VSIG8: variants seen among roughly 807,000 people sequenced by gnomAD.
VSIG8 encodes V-set and immunoglobulin domain containing 8.
In VSIG8, 32 loss-of-function variants were observed where a neutral mutation model predicts 42.6. The ratio of observed to expected loss-of-function variants is 0.75; its 90% confidence interval spans 0.57 to 1.01. The LOEUF (loss-of-function observed/expected upper bound fraction) is 1.01, where lower values mean the gene tolerates loss of function less well. Among genes scored for constraint, VSIG8 ranks in the 50% least tolerant of loss-of-function variants. The pLI is 0.00. For synonymous variants in VSIG8, 290 were observed against 243.8 expected (o/e 1.19, Z -1.77); for missense variants, 529 against 558.0 (o/e 0.95, Z 0.52).
intron 2 of VSIG8, 93 bp from the exon 3 acceptor site, chr1:159,858,384 T>G: frequency 7.8e-7 from 1 of 1,286,904 alleles, no homozygotes; most frequent in Non-Finnish European, 1.1e-6. Context: ...TGAACTTCTC[T>G]GAGACTCTTT....
chr1:159,856,330 C>T (rs535508391), intron 5 of VSIG8, among the ~76,000 whole-genome samples, 194 bp downstream of exon 5: 33 of 152,222 alleles, frequency 2.2e-4, no homozygotes, highest in Admixed American at 3.9e-4. Context: ...CTGTGCTGGG[C>T]GAGCTTGACC....
At chr1:159,855,515 T>A (rs748151152) in intron 6 of VSIG8, 2 of 985,156 alleles carry the variant, frequency 2.0e-6, no homozygotes, top group Non-Finnish European at 2.4e-6. Context: ...TAATATAAGT[T>A]ATTAGCACTA....
chr1:159,855,188 C>A (rs778365913), intron 6 of VSIG8, 162 bp from the exon 7 acceptor site: 3 of 1,551,708 alleles, frequency 1.9e-6, no homozygotes, highest in South Asian at 1.2e-5. Context: ...TCCTTTGTGA[C>A]CCTTCCTGGG....
intron 1 of VSIG8, 146 bp from the exon 2 acceptor site, chr1:159,859,058 G>C: frequency 1.3e-6 from 1 of 760,714 alleles, no homozygotes; most frequent in Admixed American, 2.9e-5. Context: ...GCTCGTAGTG[G>C]GTGTGTATGT....
intron 1 of VSIG8, among the ~76,000 whole-genome samples, chr1:159,860,378 C>T (rs972361216): frequency 6.6e-6 from 1 of 152,216 alleles, no homozygotes; most frequent in African/African-American, 2.4e-5. Context: ...AAAAGACACA[C>T]CCACCGTGTG....
At chr1:159,856,973 T>G (rs1648854104) in intron 4 of VSIG8, among the ~76,000 whole-genome samples, 1 of 152,222 alleles carries the variant, frequency 6.6e-6, no homozygotes, top group African/African-American at 2.4e-5. Context: ...GAAGAGGAAC[T>G]CTAAGGTCCC....
chr1:159,856,789 A>T, intron 4 of VSIG8, 146 bp from the exon 5 acceptor site: 1 of 1,019,134 alleles, frequency 9.8e-7, no homozygotes, highest in Admixed American at 2.9e-5. Flanking sequence ...ACACACACAC[A>T]CTCCACTCTC....
At chr1:159,856,503 C>A in intron 5 of VSIG8, 21 bp downstream of exon 5, 1 of 1,613,070 alleles carries the variant, frequency 6.2e-7, no homozygotes, top group South Asian at 1.1e-5. Flanking sequence ...ACCACCCAGC[C>A]CTCAAGACTG....
In VSIG8 at chr1:159,858,735, A is replaced by T; in HGVS notation, c.227T>A (p.Val76Glu). Residue 76 changes from valine (V) to glutamate (E), a missense_variant and splice_region_variant, in exon 2 of 7, where the codon GTG (valine) becomes GAG (glutamate). By Grantham distance (121) the Val-to-Glu change is moderately radical. Transcript: ENST00000368100. ...NSDPAHHREN[V>E]FLSYQDKRIN... ...GAGACCCCTGTGCCCAGCACTCACCACGTTCTCTCGGTGGTGGGCGGGGTC... is the reference window on the plus strand; with the variant it reads ...GAGACCCCTGTGCCCAGCACTCACCTCGTTCTCTCGGTGGTGGGCGGGGTC... The T allele has an allele frequency of 1.2e-6, 2 of 1,604,706 alleles. No homozygotes were observed. Among genetic ancestry groups the T allele is most frequent in the Non-Finnish European group, 1.7e-6 (2 of 1,176,532 alleles).
chr1:159,860,842 A>T (rs1301587324), intron 1 of VSIG8: 2 of 152,306 alleles, frequency 1.3e-5, no homozygotes, highest in Non-Finnish European at 2.9e-5. Context: ...GCCAGGCAGG[A>T]TGGTAAGCAT....
intron 1 of VSIG8, among the ~76,000 whole-genome samples, chr1:159,859,973 CG>C (rs1315514453): frequency 1.3e-5 from 2 of 152,128 alleles, no homozygotes; most frequent in South Asian, 4.2e-4. Context: ...GGGATAAGAC[CG>C]GGGGGTGTAG....
rs1272075195 is a variant in VSIG8 at position 159,854,679 on chromosome 1, C to T, written c.*74G>A. On this transcript the variant is annotated 3_prime_UTR_variant, in exon 7 of 7. Coordinates refer to ENST00000368100, the MANE Select transcript of VSIG8 (RefSeq NM_001013661.1). ...CGAGCGAGGTCGTCCCCAGCCCCGA[C>T]GTGTCCCCAGCTGCAGACAGAGAGC... 2.4e-5 allele frequency: 33 copies of T among 1,378,584 alleles called. No individual in the cohort carries two copies. The highest frequency in any genetic ancestry group is 3.7e-5 in the Admixed American group (1 of 27,296). The allele number at this position is 1,378,584 out of a possible 1,614,324, so 85.4% of individuals were successfully genotyped here. A position where few individuals can be genotyped will look rare whatever the true frequency, so the allele number is the denominator to read the frequency against.
Position 159,855,004 on chromosome 1 carries a change from AC to A in VSIG8, c.993del (p.Cys332AlafsTer126). On this transcript the variant is annotated frameshift_variant, in exon 7 of 7. Transcript: ENST00000368100. LOFTEE classifies it high-confidence loss of function. ...CGGCTGCCGCGCCCGCTGGCCTTGC[AC>A]CCGGGCGCCACGGCGTCCTCTCTGT... ...SEIREDAVAPGCKASGRGSRV... is the reference protein window; with the variant it reads ...SEIREDAVAPXCKASGRGSRV... The A allele has an allele frequency of 6.4e-7, 1 of 1,566,990 alleles. No individual in the cohort carries two copies. The highest frequency in any genetic ancestry group is 8.6e-7 in the Non-Finnish European group (1 of 1,160,588).
rs765029486 is a variant in VSIG8, at chr1:159,862,506, C to T, written c.16G>A (p.Ala6Thr). 6 of 1,613,338 alleles carry T rather than the reference C, an allele frequency of 3.7e-6. No individual in the cohort carries two copies. The highest frequency in any genetic ancestry group is 5.1e-6 in the Non-Finnish European group (6 of 1,179,510). Residue 6 changes from alanine (A) to threonine (T), a missense_variant, in exon 1 of 7, where the codon GCA becomes ACA. By Grantham distance (58) the Ala-to-Thr change is moderately conservative (BLOSUM62 0). Transcript: ENST00000368100. ...AGGCACACGAGTAGAAGGTGGAATG[C>T]TCCTCCAACTCTCATGTCTCTAGGC... MRVGG[A>T]FHLLLVCLSP... is the part of the protein sequence containing the mutation.
chr1:159,855,061 T>G lies in VSIG8; in HGVS notation c.972-35A>C, dbSNP rs1428502931. 7 of 1,566,958 alleles carry G rather than the reference T, an allele frequency of 4.5e-6. No homozygotes were observed. In the African/African-American group the frequency reaches 5.5e-5, roughly 12 times the overall value. On this transcript the variant is annotated intron_variant, in intron 6 of 6. Coordinates refer to ENST00000368100, the MANE Select transcript of VSIG8 (RefSeq NM_001013661.1). ...ACAACAGGCGGGCGGGTGAGCGGGC[T>G]GCTCCGCAGCGGGGCGTGGGCACGG...
At chr1:159,857,164 CCAGT>C (rs1648861068) in intron 4 of VSIG8, among the ~76,000 whole-genome samples, 1 of 152,174 alleles carries the variant, frequency 6.6e-6, no homozygotes, top group East Asian at 1.9e-4. Flanking sequence ...AAACTTGGAG[CCAGT>C]CAGTGTCCCA....
Position 159,854,917 on chromosome 1 carries a change from C to A in VSIG8, c.1081G>T (p.Ala361Ser). The A allele has an allele frequency of 6.7e-7, 1 of 1,499,148 alleles. No individual in the cohort carries two copies. Among genetic ancestry groups the A allele is most frequent in the Non-Finnish European group, 8.8e-7 (1 of 1,131,882 alleles). The allele number at this position is 1,499,148 out of a possible 1,614,324, so 92.9% of individuals were successfully genotyped here. A position where few individuals can be genotyped will look rare whatever the true frequency, so the allele number is the denominator to read the frequency against. Reference sequence around the variant, plus strand: ...TCGGGGCCGCCGCAGGGGGGAGGCGCGTACTTGCGGCGCAGGGAGCGGCTG... The same window carrying A: ...TCGGGGCCGCCGCAGGGGGGAGGCGAGTACTTGCGGCGCAGGGAGCGGCTG... Reference protein sequence around the residue: ...NVSRSLRRKYAPPPCGGPEDV... With the variant: ...NVSRSLRRKYSPPPCGGPEDV... The change falls in exon 7 of 7, where the codon GCG (alanine) becomes TCG (serine). Residue 361 changes from alanine (A) to serine (S), a missense_variant. Coordinates refer to ENST00000368100, the MANE Select transcript of VSIG8 (RefSeq NM_001013661.1).
chr1:159,862,118 C>T (rs1306388037), intron 1 of VSIG8: 4 of 272,532 alleles, frequency 1.5e-5, no homozygotes, highest in Non-Finnish European at 2.8e-5. Flanking sequence ...ACCCAATGCC[C>T]GTGCTTACCC....
In VSIG8 at chr1:159,854,581, G is replaced by A. The variant is rs1023865631; in HGVS notation, c.*172C>T. The A allele has an allele frequency of 1.1e-4, 138 of 1,238,262 alleles. No homozygotes were observed. Among genetic ancestry groups the A allele is most frequent in the Non-Finnish European group, 2.5e-5 (24 of 963,704 alleles). The allele number at this position is 1,238,262 out of a possible 1,614,324, so 76.7% of individuals were successfully genotyped here. A position where few individuals can be genotyped will look rare whatever the true frequency, so the allele number is the denominator to read the frequency against. ...CCTCGCCCGCCCCTTCCCACTTTTG[G>A]GGAGGAGGCTCTGCCTCCCTACGCA... On this transcript the variant is annotated 3_prime_UTR_variant, in exon 7 of 7. Coordinates refer to ENST00000368100, the MANE Select transcript of VSIG8 (RefSeq NM_001013661.1).
Sources: gnomAD v4.1 joint callset for allele counts (sites outside exome capture counted in the v4.1 genomes callset) on GRCh38, gnomAD v4.1.1 for gene constraint, MANE v1.5 for transcripts, NCBI Gene and HGNC (gene_info 2026-07-23, HGNC 2026-07-21) for gene names.